RPS6KC1: variants seen among roughly 807,000 people sequenced by gnomAD.
RPS6KC1 encodes the protein ribosomal protein S6 kinase C1, also known as inactive ribosomal protein S6 kinase delta-1.
In RPS6KC1, 54 loss-of-function variants were observed where a neutral mutation model predicts 103.8. The observed-to-expected ratio is 0.52, with a 90% CI of 0.42 to 0.65. RPS6KC1 has a LOEUF of 0.65. Among genes scored for constraint, RPS6KC1 ranks in the 30% least tolerant of loss-of-function variants. The pLI, the probability that RPS6KC1 is intolerant of heterozygous loss-of-function variation, is 0.00. For missense variants in RPS6KC1, 1,151 were observed against 1,253.8 expected, an observed-to-expected ratio of 0.92 and a Z score of 1.24; for synonymous variants, 439 against 438.7, an observed-to-expected ratio of 1.00 and a Z score of -0.01.
At chr1:213,333,523 C>T in the RPS6KC1 span, among the ~76,000 whole-genome samples, 2 of 152,168 alleles carry the variant, frequency 1.3e-5, no homozygotes, top group East Asian at 1.9e-4. Context: ...GCGAGGTGCT[C>T]AGGGTCAGGT....
At chr1:213,663,946 G>T in the RPS6KC1 span, among the ~76,000 whole-genome samples, 1 of 152,288 alleles carries the variant, frequency 6.6e-6, no homozygotes, top group African/African-American at 2.4e-5. Flanking sequence ...GGTGCACTAG[G>T]TACATAGATC....
the RPS6KC1 span, among the ~76,000 whole-genome samples, chr1:213,725,562 A>G: frequency 6.6e-6 from 1 of 152,290 alleles, no homozygotes; most frequent in African/African-American, 2.4e-5. Flanking sequence ...GTACTGCTTC[A>G]ACCACAGAAA....
At chr1:213,615,200 A>C in the RPS6KC1 span, among the ~76,000 whole-genome samples, 1 of 152,232 alleles carries the variant, frequency 6.6e-6, no homozygotes, top group Admixed American at 6.5e-5. Flanking sequence ...ACTGCCACAG[A>C]GAACACACCT....
chr1:213,526,048 T>C, the RPS6KC1 span, among the ~76,000 whole-genome samples: 1 of 152,048 alleles, frequency 6.6e-6, no homozygotes, highest in African/African-American at 2.4e-5. Context: ...TATGGCATGC[T>C]TGATTGCTGG....
At chr1:213,725,775 A>G in the RPS6KC1 span, among the ~76,000 whole-genome samples, 1 of 152,206 alleles carries the variant, frequency 6.6e-6, no homozygotes, top group Non-Finnish European at 1.5e-5. Flanking sequence ...TTCATAACCA[A>G]GGGTCTGTAG....
the RPS6KC1 span, among the ~76,000 whole-genome samples, chr1:213,570,345 G>A: frequency 2.6e-5 from 4 of 152,214 alleles, no homozygotes; most frequent in Admixed American, 6.5e-5. Flanking sequence ...AGAGTTGGGT[G>A]TCACTGACCA....
At chr1:213,456,261 G>A in the RPS6KC1 span, among the ~76,000 whole-genome samples, 1 of 152,152 alleles carries the variant, frequency 6.6e-6, no homozygotes, top group Non-Finnish European at 1.5e-5. Flanking sequence ...TAGTTGAAGA[G>A]GTTGAACCCT....
At chr1:213,236,958 C>T (rs1470790233) in intron 10 of RPS6KC1, among the ~76,000 whole-genome samples, 2 of 151,952 alleles carry the variant, frequency 1.3e-5, no homozygotes, top group African/African-American at 2.4e-5. Context: ...ATTATCCCTC[C>T]CTATTCACTT....
chr1:213,213,167 T>C (rs1347960520), intron 8 of RPS6KC1, among the ~76,000 whole-genome samples: 2 of 152,252 alleles, frequency 1.3e-5, no homozygotes, highest in Admixed American at 6.5e-5. Flanking sequence ...ATCTAGGTTT[T>C]CTCCTGTGTT....
At chr1:213,488,636 G>A in the RPS6KC1 span, among the ~76,000 whole-genome samples, 3 of 152,172 alleles carry the variant, frequency 2.0e-5, no homozygotes, top group East Asian at 3.9e-4. Flanking sequence ...GTAAATATGC[G>A]AATTGCTAAG....
chr1:213,314,727 A>G, the RPS6KC1 span, among the ~76,000 whole-genome samples: 1 of 150,694 alleles, frequency 6.6e-6, no homozygotes, highest in African/African-American at 2.4e-5. Flanking sequence ...AAATAGGCCC[A>G]TTAAATGCTG....
At chr1:213,186,047 T>G (rs1248031129) in intron 8 of RPS6KC1, among the ~76,000 whole-genome samples, 1 of 151,294 alleles carries the variant, frequency 6.6e-6, no homozygotes, top group Non-Finnish European at 1.5e-5. Context: ...ACATTTTGAG[T>G]TTTAGTTGTC....
chr1:213,409,231 A>T, the RPS6KC1 span, among the ~76,000 whole-genome samples: 2 of 151,906 alleles, frequency 1.3e-5, no homozygotes, highest in African/African-American at 4.8e-5. Flanking sequence ...TGCTAAAGTT[A>T]TTGCGGTTTT....
the RPS6KC1 span, among the ~76,000 whole-genome samples, chr1:213,810,391 C>G: frequency 6.6e-6 from 1 of 152,164 alleles, no homozygotes; most frequent in African/African-American, 2.4e-5. Context: ...CTTATAAGAG[C>G]ATCAGTCTTA....
At chr1:213,204,388 G>GT (rs1292151435) in intron 8 of RPS6KC1, among the ~76,000 whole-genome samples, 3 of 151,804 alleles carry the variant, frequency 2.0e-5, no homozygotes, top group Non-Finnish European at 4.4e-5. Flanking sequence ...CTATTAATTA[G>GT]TTTCTTTTTA....
the RPS6KC1 span, among the ~76,000 whole-genome samples, chr1:213,709,412 A>G: frequency 6.6e-6 from 1 of 151,902 alleles, no homozygotes; most frequent in South Asian, 2.1e-4. Context: ...TTATCATTTT[A>G]TATTGTGTCT....
At chr1:213,818,128 T>G in the RPS6KC1 span, 1 of 152,184 alleles carries the variant, frequency 6.6e-6, no homozygotes, top group African/African-American at 2.4e-5. Context: ...GGCCTCCCTG[T>G]TCCCTGAGAC....
the RPS6KC1 span, among the ~76,000 whole-genome samples, chr1:213,418,261 C>T: frequency 2.0e-5 from 3 of 152,154 alleles, no homozygotes; most frequent in Admixed American, 2.0e-4. Flanking sequence ...ATAATATGTG[C>T]AAGGTGCCCA....
At chr1:213,661,359 C>T in the RPS6KC1 span, among the ~76,000 whole-genome samples, 1 of 152,132 alleles carries the variant, frequency 6.6e-6, no homozygotes, top group African/African-American at 2.4e-5. Context: ...GCGATCTTGC[C>T]TGGAAGTCAG....
Sources: allele counts gnomAD v4.1 joint callset (sites outside exome capture counted in the v4.1 genomes callset), GRCh38; gene constraint gnomAD v4.1.1; transcripts MANE v1.5; gene names NCBI Gene and HGNC (gene_info 2026-07-23, HGNC 2026-07-21).